The following UBAP2L variants were observed in gnomAD, a reference collection of about 807,000 sequenced individuals.
UBAP2L encodes ubiquitin associated protein 2 like.
In UBAP2L, 12 loss-of-function variants were observed where a neutral mutation model predicts 130.6. The observed-to-expected ratio is 0.09, with a 90% CI of 0.06 to 0.15. The LOEUF is 0.15. Among genes scored for constraint, UBAP2L ranks in the 10% least tolerant of loss-of-function variants. The probability of loss-of-function intolerance (pLI) is 1.00; values close to 1 mark genes in which losing one functional copy is unlikely to be tolerated. For synonymous variants in UBAP2L, 503 were observed against 524.7 expected, an observed-to-expected ratio of 0.96 and a Z score of 0.57; for missense variants, 965 against 1,332.5, an observed-to-expected ratio of 0.72 and a Z score of 4.29.
In UBAP2L at chr1:154,261,658, C is replaced by G. The variant is rs755585822; in HGVS notation, c.2863C>G (p.Gln955Glu). Reference sequence around the variant, plus strand: ...TGTGAATGCATCGGCCACCCCTTTCCAACAGCCGAGTGGATATGGGTCTCA... The same window carrying G: ...TGTGAATGCATCGGCCACCCCTTTCGAACAGCCGAGTGGATATGGGTCTCA... Reference protein sequence around the residue: ...VSVNASATPFQQPSGYGSHGY... With the variant: ...VSVNASATPFEQPSGYGSHGY... Residue 955 changes from glutamine (Q) to glutamate (E), a missense_variant, in exon 24 of 27, where the codon CAA (glutamine) becomes GAA (glutamate). By Grantham distance (29) the Gln-to-Glu change is conservative. Around this residue, in one of 9 missense-constraint regions of UBAP2L, gnomAD observed 194 missense variants for 334.0 expected, o/e 0.58. Coordinates refer to ENST00000428931, the MANE Select transcript of UBAP2L (RefSeq NM_014847.4). 1 of 1,614,120 alleles carries G rather than the reference C, an allele frequency of 6.2e-7. No homozygotes were observed. Among genetic ancestry groups the G allele is most frequent in the South Asian group, 1.1e-5 (1 of 91,070 alleles).
rs1684530945 is a variant in UBAP2L at position 154,270,565 on chromosome 1, G to A, written c.*270G>A. 8.4e-6 allele frequency: 12 copies of A among 1,423,912 alleles called. No homozygotes were observed. Among genetic ancestry groups the A allele is most frequent in the Non-Finnish European group, 1.1e-5 (12 of 1,093,820 alleles). 88.2% of individuals were successfully genotyped at this position (1,423,912 alleles called of 1,614,324 possible). A position where few individuals can be genotyped will look rare whatever the true frequency, so the allele number is the denominator to read the frequency against. On this transcript the variant is annotated 3_prime_UTR_variant, in exon 27 of 27. Transcript: ENST00000428931. The stretch of plus-strand genomic sequence containing the variant: ...TCAAGATTATGAAACTTTGCTATGG[G>A]CCCTGCACTTCCTTTGCTTCCTCCT...
chr1:154,220,269 G>A, upstream of UBAP2L: 2 of 1,548,290 alleles, frequency 1.3e-6, no homozygotes, highest in Non-Finnish European at 1.8e-6. Context: ...AATGCAGACG[G>A]GGTACAGCTC....
At chr1:154,220,719 A>AG, upstream of UBAP2L, 1 of 393,400 alleles carries the variant, frequency 2.5e-6, no homozygotes, top group Non-Finnish European at 4.7e-6. Context: ...CACGTGGTGG[A>AG]GGCAGGGCCG....
chr1:154,255,465 A>G (rs1414066188), intron 17 of UBAP2L, 139 bp downstream of exon 17: 1 of 1,252,850 alleles, frequency 8.0e-7, no homozygotes, highest in Non-Finnish European at 1.1e-6. Context: ...AACTGTGGGA[A>G]GTGAAGACAG....
chr1:154,222,814 T>C (rs889057373), intron 1 of UBAP2L, among the ~76,000 whole-genome samples: 1 of 152,216 alleles, frequency 6.6e-6, no homozygotes, highest in Non-Finnish European at 1.5e-5. Context: ...ATATTTGTTA[T>C]TTAGTTTTTT....
chr1:154,268,848 C>T lies in UBAP2L; in HGVS notation c.3062C>T (p.Pro1021Leu), dbSNP rs774332330. The change falls in exon 26 of 27, where the codon CCG (proline) becomes CTG (leucine). Residue 1021 changes from proline to leucine, a missense_variant. This residue lies in a region of UBAP2L where 194 missense variants were observed against 334.0 expected (regional missense o/e 0.58). Coordinates refer to ENST00000428931, the MANE Select transcript of UBAP2L (RefSeq NM_014847.4). ...SALGSGGPIN[P>L]ATAAAYPPAP... is the part of the protein sequence containing the mutation. ...CTAGGAAGTGGGGGCCCCATCAATC[C>T]GGCCACAGCTGCTGCCTACCCACCT... is the stretch of plus-strand genomic sequence containing the variant. 2.0e-5 allele frequency: 32 copies of T among 1,614,150 alleles called. No individual in the cohort carries two copies. Among genetic ancestry groups the T allele is most frequent in the Non-Finnish European group, 2.7e-5 (32 of 1,180,030 alleles).
intron 16 of UBAP2L, 117 bp from the exon 17 acceptor site, chr1:154,255,035 A>G (rs986483119): frequency 7.1e-7 from 1 of 1,410,350 alleles, no homozygotes; most frequent in African/African-American, 1.4e-5. Flanking sequence ...TACCTAATAT[A>G]GTCCATTGTT....
intron 8 of UBAP2L, among the ~76,000 whole-genome samples, chr1:154,239,680 A>G (rs1439243151): frequency 1.3e-5 from 2 of 152,214 alleles, no homozygotes; most frequent in Non-Finnish European, 2.9e-5. Flanking sequence ...AGTTGAAGTC[A>G]TCAGTGTGCA....
intron 2 of UBAP2L, 63 bp downstream of exon 2, chr1:154,225,276 A>C: frequency 6.5e-7 from 1 of 1,545,252 alleles, no homozygotes; most frequent in Non-Finnish European, 8.9e-7. Flanking sequence ...GTTTCCATGC[A>C]GTACAGCATC....
At chr1:154,255,569 A>G in intron 17 of UBAP2L, 114 bp from the exon 18 acceptor site, 1 of 1,308,676 alleles carries the variant, frequency 7.6e-7, no homozygotes, top group Non-Finnish European at 1.1e-6. Context: ...ATATGATCTC[A>G]GACCTCCTTG....
intron 10 of UBAP2L, among the ~76,000 whole-genome samples, chr1:154,244,217 A>G (rs1404836182): frequency 1.3e-5 from 2 of 152,212 alleles, no homozygotes; most frequent in African/African-American, 2.4e-5. Flanking sequence ...GAGTTAATGC[A>G]GACCCCACAA....
chr1:154,262,958 A>G (rs1682061355), intron 24 of UBAP2L: 1 of 753,150 alleles, frequency 1.3e-6, no homozygotes, highest in African/African-American at 1.8e-5. Flanking sequence ...GAATTGGCAT[A>G]CCTGATTCTA....
chr1:154,250,726 C>T (rs1346687763), intron 12 of UBAP2L, among the ~76,000 whole-genome samples: 4 of 151,694 alleles, frequency 2.6e-5, no homozygotes, highest in African/African-American at 7.3e-5. Context: ...TGGTGGCGCG[C>T]GCCTGTAGTC....
Position 154,257,167 on chromosome 1 carries a change from C to T in UBAP2L, c.2262C>T (p.Ser754=), listed in dbSNP as rs1482295245. ...SAPPPVVSVS[S]SLNSGSSLGL... Reference sequence around the variant, plus strand: ...CTCCCCCAGTGGTCAGTGTCTCCTCCAGTCTCAATAGTGGCAGTAGCCTGG... The same window carrying T: ...CTCCCCCAGTGGTCAGTGTCTCCTCTAGTCTCAATAGTGGCAGTAGCCTGG... Residue 754 remains serine, a synonymous_variant, in exon 19 of 27, where the codon TCC becomes TCT. Coordinates refer to ENST00000428931, the MANE Select transcript of UBAP2L (RefSeq NM_014847.4). 1 of 1,614,204 alleles carries T rather than the reference C, an allele frequency of 6.2e-7. No homozygotes were observed.
intron 3 of UBAP2L, 51 bp from the exon 4 acceptor site, chr1:154,228,564 G>A (rs774617095): frequency 1.5e-6 from 2 of 1,360,776 alleles, no homozygotes; most frequent in Non-Finnish European, 2.1e-6. Flanking sequence ...CCTTTCATTG[G>A]GAGTGTGAGC....
chr1:154,248,487 T>G (rs1415801700), intron 11 of UBAP2L, among the ~76,000 whole-genome samples: 1 of 152,128 alleles, frequency 6.6e-6, no homozygotes, highest in African/African-American at 2.4e-5. Context: ...AAAAGTAAAA[T>G]CTTATATTAC....
chr1:154,248,546 A>G (rs577013699), intron 11 of UBAP2L, among the ~76,000 whole-genome samples: 1 of 152,102 alleles, frequency 6.6e-6, no homozygotes, highest in East Asian at 1.9e-4. Context: ...GCTGGGTGTG[A>G]TGGCTCACGC....
chr1:154,265,630 A>AT (rs796907067), intron 24 of UBAP2L, among the ~76,000 whole-genome samples: 1 of 152,192 alleles, frequency 6.6e-6, no homozygotes, highest in East Asian at 1.9e-4. Context: ...ATGAGTATTT[A>AT]TTTGTTTGAG....
chr1:154,259,308 A>G (rs1057117073), intron 21 of UBAP2L, among the ~76,000 whole-genome samples: 1 of 151,956 alleles, frequency 6.6e-6, no homozygotes, highest in Non-Finnish European at 1.5e-5. Context: ...TGTCTGCCTC[A>G]GCCTTCCGAG....
Sources: gnomAD v4.1 joint callset for allele counts (sites outside exome capture counted in the v4.1 genomes callset) on GRCh38, gnomAD v4.1.1 for gene constraint, gnomAD v4.1.1 regional missense constraint, MANE v1.5 for transcripts, NCBI Gene and HGNC (gene_info 2026-07-23, HGNC 2026-07-21) for gene names.